Variants in RIMS2 observed in about 807,000 individuals in gnomAD.
RIMS2 encodes the protein regulating synaptic membrane exocytosis protein 2.
A neutral mutation model predicts 174.4 loss-of-function variants in RIMS2; 59 were observed. The ratio of observed to expected loss-of-function variants is 0.34; its 90% confidence interval spans 0.27 to 0.42. RIMS2 has a LOEUF of 0.42. Ranked by LOEUF, RIMS2 falls within the 10% of genes least tolerant of loss-of-function variation. RIMS2 has a pLI of 1.00. For synonymous variants in RIMS2, 606 were observed against 572.5 expected (o/e 1.06, Z -0.84); for missense variants, 1,620 against 1,666.3 (o/e 0.97, Z 0.48).
At chr8:103,720,689 G>A (rs1461914957) in intron 2 of RIMS2, among the ~76,000 whole-genome samples, 1 of 152,076 alleles carries the variant, frequency 6.6e-6, no homozygotes, top group Non-Finnish European at 1.5e-5. Context: ...ATTTTTATCA[G>A]CAACATAGAG....
At chr8:104,094,174 G>A (rs1257045764) in intron 19 of RIMS2, among the ~76,000 whole-genome samples, 1 of 151,704 alleles carries the variant, frequency 6.6e-6, no homozygotes, top group African/African-American at 2.4e-5. Context: ...AGATGCCTAA[G>A]CTAAATTTTG....
chr8:104,218,117 T>C lies in RIMS2; in HGVS notation c.3335-26799T>C, dbSNP rs16871101. Among the ~76,000 whole-genome samples the C allele has an allele frequency of 9.6e-3, 1,455 of 152,302 alleles. 21 individuals are homozygous for C. The highest frequency in any genetic ancestry group is 0.034 in the African/African-American group (1,411 of 41,550). On this transcript the variant is annotated intron_variant, in intron 19 of 23. Transcript: ENST00000504942. ...CCTCCTATTACCAAGAACAAGTGTA[T>C]ATCAAAAGAAAAGAGGTTAGTTGAG...
intron 19 of RIMS2, among the ~76,000 whole-genome samples, chr8:104,230,476 T>G (rs557770038): frequency 1.3e-5 from 2 of 151,286 alleles, no homozygotes; most frequent in South Asian, 2.1e-4. Context: ...TGAAATCCTG[T>G]CTCTACTAAA....
chr8:104,212,103 A>T (rs1469977001), intron 19 of RIMS2, among the ~76,000 whole-genome samples: 1 of 152,244 alleles, frequency 6.6e-6, no homozygotes, highest in Admixed American at 6.5e-5. Flanking sequence ...TGTGGGAAAG[A>T]AATCGAGAGT....
chr8:104,131,240 T>C (rs1599579351), intron 19 of RIMS2, among the ~76,000 whole-genome samples: 2 of 152,306 alleles, frequency 1.3e-5, no homozygotes, highest in East Asian at 3.9e-4. Context: ...GCTATTAGCG[T>C]TGTTATTAAT....
intron 3 of RIMS2, among the ~76,000 whole-genome samples, chr8:103,871,449 A>T (rs1164390554): frequency 6.6e-6 from 1 of 151,426 alleles, no homozygotes; most frequent in Non-Finnish European, 1.5e-5. Flanking sequence ...ATCTAGTATA[A>T]TTTTTTTTTG....
intron 13 of RIMS2, among the ~76,000 whole-genome samples, chr8:103,938,662 G>C (rs2081861896): frequency 6.6e-6 from 1 of 152,206 alleles, no homozygotes; most frequent in Non-Finnish European, 1.5e-5. Context: ...CAAAAGTCCA[G>C]AGTCCAGAGT....
chr8:103,613,131 G>T (rs1028814558), intron 1 of RIMS2, among the ~76,000 whole-genome samples: 1 of 152,194 alleles, frequency 6.6e-6, no homozygotes, highest in African/African-American at 2.4e-5. Flanking sequence ...CTTCAGGGTG[G>T]TGCATTTTCC....
At chr8:103,833,330 T>C (rs998617767) in intron 3 of RIMS2, among the ~76,000 whole-genome samples, 8 of 152,184 alleles carry the variant, frequency 5.3e-5, no homozygotes. Flanking sequence ...TGTTATGTTA[T>C]GCTTACATGT....
At chr8:104,140,105 A>C (rs1026646548) in intron 19 of RIMS2, among the ~76,000 whole-genome samples, 6 of 152,150 alleles carry the variant, frequency 3.9e-5, no homozygotes, top group African/African-American at 1.4e-4. Context: ...CATCGCTAGG[A>C]TCAATCCCAC....
chr8:103,612,722 G>T (rs1351907806), intron 1 of RIMS2, among the ~76,000 whole-genome samples: 1 of 152,138 alleles, frequency 6.6e-6, no homozygotes, highest in Non-Finnish European at 1.5e-5. Context: ...GGGATTACAG[G>T]TGCGTGCCAC....
intron 19 of RIMS2, among the ~76,000 whole-genome samples, chr8:104,036,089 T>A (rs1048917449): frequency 6.6e-6 from 1 of 152,010 alleles, no homozygotes; most frequent in Admixed American, 6.6e-5. Context: ...CCATCCTTCT[T>A]ATGATAAACA....
chr8:103,512,812 T>A (rs535874420), intron 1 of RIMS2, among the ~76,000 whole-genome samples: 1 of 152,308 alleles, frequency 6.6e-6, no homozygotes, highest in Admixed American at 6.5e-5. Flanking sequence ...TTTTAAAGAA[T>A]AAATTTTAGT....
chr8:103,664,681 G>C (rs1425080582), intron 1 of RIMS2, among the ~76,000 whole-genome samples: 1 of 152,140 alleles, frequency 6.6e-6, no homozygotes, highest in Non-Finnish European at 1.5e-5. Context: ...GTTGGTGGGA[G>C]TGTAAATTTG....
intron 3 of RIMS2, among the ~76,000 whole-genome samples, chr8:103,872,857 G>A (rs2099119023): frequency 6.6e-6 from 1 of 152,156 alleles, no homozygotes; most frequent in Admixed American, 6.6e-5. Context: ...GCACACTGCT[G>A]CCCTGAATAA....
At chr8:103,599,516 G>A (rs59083450) in intron 1 of RIMS2, among the ~76,000 whole-genome samples, 354 of 151,310 alleles carry the variant, frequency 2.3e-3, no homozygotes, top group African/African-American at 8.3e-3. Context: ...TCTGCTCAAT[G>A]CAACCCTCAC....
chr8:104,065,573 T>G (rs2097091822), intron 19 of RIMS2, among the ~76,000 whole-genome samples: 1 of 152,162 alleles, frequency 6.6e-6, no homozygotes, highest in African/African-American at 2.4e-5. Context: ...AGGAATAGTT[T>G]CTACAAATAT....
chr8:104,163,458 T>A (rs565106614), intron 19 of RIMS2, among the ~76,000 whole-genome samples: 320 of 152,298 alleles, frequency 2.1e-3, no homozygotes, highest in Non-Finnish European at 4.0e-3. Context: ...CTTGCCTTGA[T>A]GAAAAGTTCC....
chr8:103,747,091 ATTACT>A (rs2097828942), intron 2 of RIMS2, among the ~76,000 whole-genome samples: 1 of 150,978 alleles, frequency 6.6e-6, no homozygotes, highest in Admixed American at 6.6e-5. Context: ...TTTTTAATTA[ATTACT>A]TTATTATTAT....
Sources: gnomAD v4.1 joint callset for allele counts (sites outside exome capture counted in the v4.1 genomes callset) on GRCh38, gnomAD v4.1.1 for gene constraint, MANE v1.5 for transcripts, NCBI Gene and HGNC (gene_info 2026-07-23, HGNC 2026-07-21) for gene names.